The following GNAQ variants were observed in gnomAD, a reference collection of about 807,000 sequenced individuals.
The protein encoded by GNAQ is guanine nucleotide-binding protein G(q) subunit alpha.
GNAQ carries 8 observed loss-of-function variants against 43.9 expected under a neutral mutation model. The ratio of observed to expected loss-of-function variants is 0.18; its 90% confidence interval spans 0.11 to 0.33. The LOEUF (loss-of-function observed/expected upper bound fraction) is 0.33, where lower values mean the gene tolerates loss of function less well. Among genes scored for constraint, GNAQ ranks in the 10% least tolerant of loss-of-function variants. The probability of loss-of-function intolerance (pLI) is 1.00; values close to 1 mark genes in which losing one functional copy is unlikely to be tolerated. For missense variants in GNAQ, 158 were observed against 450.8 expected (o/e 0.35, Z 5.88); for synonymous variants, 155 against 170.7 (o/e 0.91, Z 0.71).
At chr9:77,843,178 A>G (rs1289978719) in intron 2 of GNAQ, among the ~76,000 whole-genome samples, 1 of 152,202 alleles carries the variant, frequency 6.6e-6, no homozygotes, top group African/African-American at 2.4e-5. Flanking sequence ...TTAATGTGGC[A>G]CTGAAACAAT....
At chr9:77,873,914 T>C (rs1028061103) in intron 2 of GNAQ, among the ~76,000 whole-genome samples, 15 of 152,086 alleles carry the variant, frequency 9.9e-5, no homozygotes, top group African/African-American at 3.6e-4. Context: ...CAGACCAGCC[T>C]GGCCAACACG....
At chr9:77,774,245 C>CT (rs1264177934) in intron 5 of GNAQ, among the ~76,000 whole-genome samples, 1 of 152,100 alleles carries the variant, frequency 6.6e-6, no homozygotes, top group Non-Finnish European at 1.5e-5. Flanking sequence ...TCAATGAACT[C>CT]TTTAATTTGT....
At chr9:77,805,573 T>C (rs557696605) in intron 3 of GNAQ, among the ~76,000 whole-genome samples, 84 of 151,950 alleles carry the variant, frequency 5.5e-4, no homozygotes, top group Non-Finnish European at 1.0e-3. Context: ...CCTGGCTAAT[T>C]TTTTGTATTT....
intron 5 of GNAQ, among the ~76,000 whole-genome samples, chr9:77,740,597 A>G (rs1825638176): frequency 6.6e-6 from 1 of 152,210 alleles, no homozygotes; most frequent in Non-Finnish European, 1.5e-5. Flanking sequence ...AAATGAGCTT[A>G]GCGCATTATA....
intron 5 of GNAQ, among the ~76,000 whole-genome samples, chr9:77,752,832 A>G (rs552422969): frequency 2.7e-4 from 41 of 152,238 alleles, no homozygotes; most frequent in African/African-American, 9.4e-4. Context: ...GTTGGCTTCA[A>G]TCCCAGCACT....
intron 2 of GNAQ, among the ~76,000 whole-genome samples, chr9:77,852,433 T>C (rs1160578601): frequency 6.6e-6 from 1 of 152,174 alleles, no homozygotes. Context: ...AGAATAACCA[T>C]GGCAATGCAT....
intron 1 of GNAQ, among the ~76,000 whole-genome samples, chr9:77,965,120 T>G (rs1823150599): frequency 1.3e-5 from 2 of 152,154 alleles, no homozygotes; most frequent in Non-Finnish European, 2.9e-5. Context: ...TTCCACCCTT[T>G]TTTACTTTAC....
chr9:77,840,833 G>C (rs1163507764), intron 2 of GNAQ, among the ~76,000 whole-genome samples: 2 of 152,132 alleles, frequency 1.3e-5, no homozygotes, highest in Non-Finnish European at 2.9e-5. Flanking sequence ...TTAAGTTCGT[G>C]GGGCAGTTCC....
At chr9:78,017,897 C>T (rs1032808861) in intron 1 of GNAQ, among the ~76,000 whole-genome samples, 42 of 152,124 alleles carry the variant, frequency 2.8e-4, no homozygotes, top group African/African-American at 9.6e-4. Flanking sequence ...ATGATCAATG[C>T]AAAGTTTAGA....
chr9:77,800,564 G>T (rs932067952), intron 3 of GNAQ, among the ~76,000 whole-genome samples: 2 of 152,124 alleles, frequency 1.3e-5, no homozygotes, highest in African/African-American at 4.8e-5. Flanking sequence ...CACACTCTGG[G>T]GACTGCTGTG....
intron 4 of GNAQ, among the ~76,000 whole-genome samples, chr9:77,796,953 A>G (rs1420464370): frequency 2.6e-5 from 4 of 152,224 alleles, no homozygotes; most frequent in Non-Finnish European, 5.9e-5. Flanking sequence ...ATTTTACTCA[A>G]CCACAAGCAA....
At chr9:77,976,792 C>T (rs1326269654) in intron 1 of GNAQ, among the ~76,000 whole-genome samples, 1 of 152,136 alleles carries the variant, frequency 6.6e-6, no homozygotes, top group Non-Finnish European at 1.5e-5. Context: ...ATTTTATTTA[C>T]CTGGAAAAAC....
At chr9:77,850,896 T>A (rs548203209) in intron 2 of GNAQ, among the ~76,000 whole-genome samples, 1 of 152,166 alleles carries the variant, frequency 6.6e-6, no homozygotes, top group Non-Finnish European at 1.5e-5. Flanking sequence ...CCATGGCACA[T>A]CCCCACCCCC....
At chr9:77,968,632 A>G (rs1475643295) in intron 1 of GNAQ, among the ~76,000 whole-genome samples, 2 of 152,258 alleles carry the variant, frequency 1.3e-5, no homozygotes, top group Non-Finnish European at 2.9e-5. Flanking sequence ...TCCATTTCCC[A>G]ATCCACAACA....
chr9:77,852,270 C>A (rs1045381840), intron 2 of GNAQ, among the ~76,000 whole-genome samples: 2 of 152,194 alleles, frequency 1.3e-5, no homozygotes, highest in African/African-American at 4.8e-5. Context: ...TCTGCCTCAT[C>A]CTCATTTTAA....
intron 1 of GNAQ, among the ~76,000 whole-genome samples, chr9:77,952,847 C>A (rs1822999087): frequency 6.6e-6 from 1 of 151,944 alleles, no homozygotes; most frequent in South Asian, 2.1e-4. Context: ...GTGACTCATA[C>A]CAAGACAAGA....
intron 2 of GNAQ, among the ~76,000 whole-genome samples, chr9:77,825,515 C>A (rs1421028580): frequency 2.0e-5 from 3 of 152,176 alleles, no homozygotes; most frequent in Non-Finnish European, 4.4e-5. Context: ...ATCTTTCAGA[C>A]TGGAAGAGTT....
chr9:77,909,332 C>A lies in GNAQ; in HGVS notation c.321+12829G>T, dbSNP rs566557859. On this transcript the variant is annotated intron_variant, in intron 2 of 6. Transcript: ENST00000286548. Reference sequence around the variant, plus strand: ...ATCCTGTTGCCATCCACCAGCTGCCCAGTAGATAGTAAAATGGCTAGAAGA... The same window carrying A: ...ATCCTGTTGCCATCCACCAGCTGCCAAGTAGATAGTAAAATGGCTAGAAGA... Among the ~76,000 whole-genome samples the A allele has an allele frequency of 9.9e-5, 15 of 152,240 alleles. No homozygotes were observed. The South Asian group carries it at 3.1e-3, about 32-fold the overall frequency.
At chr9:77,736,289 A>G (rs62571040) in intron 5 of GNAQ, among the ~76,000 whole-genome samples, 8 of 152,206 alleles carry the variant, frequency 5.3e-5, no homozygotes, top group Non-Finnish European at 8.8e-5. Context: ...CAAACCAAGA[A>G]AACAACAGAT....
Sources: allele counts gnomAD v4.1 joint callset (sites outside exome capture counted in the v4.1 genomes callset), GRCh38; gene constraint gnomAD v4.1.1; transcripts MANE v1.5; gene names NCBI Gene and HGNC (gene_info 2026-07-23, HGNC 2026-07-21).